The following ZC3H12B variants were observed in gnomAD, a reference collection of about 807,000 sequenced individuals.
ZC3H12B encodes zinc finger CCCH-type containing 12B, also known as probable ribonuclease ZC3H12B.
In ZC3H12B, 7 loss-of-function variants were observed where a neutral mutation model predicts 43.9. That is an observed-to-expected ratio of 0.16 (90% confidence interval 0.09 to 0.30). The LOEUF (loss-of-function observed/expected upper bound fraction) is 0.30. ZC3H12B is among the 10% of genes least tolerant of loss of function. The pLI, the probability that ZC3H12B is intolerant of heterozygous loss-of-function variation, is 1.00. For missense variants in ZC3H12B, 475 were observed against 670.2 expected (o/e 0.71, Z 3.22); for synonymous variants, 222 against 241.7 (o/e 0.92, Z 0.76).
At chrX:65,368,282 T>C (rs1296795654) in intron 1 of ZC3H12B, among the ~76,000 whole-genome samples, 4 of 111,502 alleles carry the variant, frequency 3.6e-5, no homozygotes, top group Non-Finnish European at 7.5e-5. Context: ...ATGTGATGTA[T>C]TTCAAGTAGT....
At chrX:65,296,804 A>T in the ZC3H12B span, among the ~76,000 whole-genome samples, 14 of 111,485 alleles carry the variant, frequency 1.3e-4, no homozygotes, top group Non-Finnish European at 2.3e-4. Context: ...AAGATAATCC[A>T]CCATGATCAA....
chrX:65,451,252 AT>A (rs1179623385), intron 3 of ZC3H12B, among the ~76,000 whole-genome samples: 5 of 110,032 alleles, frequency 4.5e-5, no homozygotes, highest in South Asian at 3.8e-4. Flanking sequence ...GCCCAGCCTC[AT>A]TTTTTTGTTT....
the ZC3H12B span, among the ~76,000 whole-genome samples, chrX:65,218,412 T>C: frequency 2.9e-4 from 33 of 112,190 alleles, no homozygotes; most frequent in South Asian, 1.1e-3. Context: ...GCTTGTAGCC[T>C]GGTGAAAGTT....
chrX:65,462,371 G>T (rs1250952586), intron 3 of ZC3H12B, among the ~76,000 whole-genome samples: 1 of 110,767 alleles, frequency 9.0e-6, no homozygotes, highest in Non-Finnish European at 1.9e-5. Context: ...ACTTAGCCGG[G>T]CGTAGCGACA....
chrX:65,284,760 T>G, the ZC3H12B span, among the ~76,000 whole-genome samples: 1 of 104,449 alleles, frequency 9.6e-6, no homozygotes, highest in Non-Finnish European at 2.0e-5. Context: ...AAACTCCATC[T>G]CAAAAAAAAA....
At chrX:65,252,821 G>A in the ZC3H12B span, among the ~76,000 whole-genome samples, 2 of 111,978 alleles carry the variant, frequency 1.8e-5, no homozygotes, top group Admixed American at 1.9e-4. Context: ...AGTACTGTGA[G>A]TATATGATCA....
the ZC3H12B span, among the ~76,000 whole-genome samples, chrX:65,282,804 C>T: frequency 8.9e-6 from 1 of 111,850 alleles, no homozygotes; most frequent in African/African-American, 3.3e-5. Context: ...AGACCAATAT[C>T]AGGCTCTGAA....
chrX:65,048,950 A>G, the ZC3H12B span, among the ~76,000 whole-genome samples: 1 of 111,343 alleles, frequency 9.0e-6, no homozygotes, highest in Non-Finnish European at 1.9e-5. Flanking sequence ...CTTTTCATAT[A>G]CTTCTTAGCC....
the ZC3H12B span, chrX:65,185,410 A>C: frequency 8.9e-6 from 1 of 112,192 alleles, no homozygotes; most frequent in Non-Finnish European, 1.9e-5. Context: ...TTTTTGCTTT[A>C]GTAAGCAGGC....
chrX:65,452,611 T>C (rs1302802247), intron 3 of ZC3H12B, among the ~76,000 whole-genome samples: 1 of 110,795 alleles, frequency 9.0e-6, no homozygotes, highest in Non-Finnish European at 1.9e-5. Context: ...GAGGCCGAGG[T>C]GGGTGGATCA....
chrX:65,190,011 C>T, the ZC3H12B span, among the ~76,000 whole-genome samples: 1 of 111,237 alleles, frequency 9.0e-6, no homozygotes, highest in Non-Finnish European at 1.9e-5. Flanking sequence ...CAGCTTCCTA[C>T]ATATGGCTAT....
the ZC3H12B span, among the ~76,000 whole-genome samples, chrX:65,191,645 A>T: frequency 6.1e-5 from 1 of 16,313 alleles, no homozygotes; most frequent in Non-Finnish European, 9.2e-5. Flanking sequence ...CAGTGGTGAT[A>T]TCCCCTTTAT....
At chrX:65,035,582 C>T in the ZC3H12B span, among the ~76,000 whole-genome samples, 1 of 111,191 alleles carries the variant, frequency 9.0e-6, no homozygotes, top group Non-Finnish European at 1.9e-5. Context: ...CTCCCAGTGC[C>T]GTGCTCGCCC....
chrX:65,078,513 C>A, the ZC3H12B span, among the ~76,000 whole-genome samples: 2 of 111,827 alleles, frequency 1.8e-5, no homozygotes, highest in Non-Finnish European at 3.8e-5. Flanking sequence ...AGAATGAGGG[C>A]ATAATCAATT....
the ZC3H12B span, among the ~76,000 whole-genome samples, chrX:65,187,877 C>A: frequency 9.0e-6 from 1 of 110,511 alleles, no homozygotes; most frequent in Non-Finnish European, 1.9e-5. Flanking sequence ...CCTTGTTGTG[C>A]TATCCAATAC....
At chrX:65,504,402 AGCAACTCT>A (rs1239248653) in exon 5 of ZC3H12B, 1 of 112,542 alleles carries the variant, frequency 8.9e-6, no homozygotes, top group Admixed American at 9.4e-5. Context: ...ACCAGAGCAA[AGCAACTCT>A]GTTTCCTTTG....
chrX:65,362,919 A>C (rs186454780), upstream of ZC3H12B, among the ~76,000 whole-genome samples: 67 of 110,566 alleles, frequency 6.1e-4, no homozygotes, highest in African/African-American at 2.0e-3. Context: ...TCCTCAATAC[A>C]TCCCTTCACA....
At chrX:65,254,401 A>G in the ZC3H12B span, among the ~76,000 whole-genome samples, 1 of 112,511 alleles carries the variant, frequency 8.9e-6, no homozygotes, top group African/African-American at 3.2e-5. Context: ...CGAGGCCAAC[A>G]CTAGCCTTGC....
the ZC3H12B span, among the ~76,000 whole-genome samples, chrX:65,137,244 A>T: frequency 2.7e-5 from 3 of 112,263 alleles, no homozygotes; most frequent in Non-Finnish European, 5.6e-5. Context: ...GAAAGACACA[A>T]ATAATTTATT....
Sources: gnomAD v4.1 joint callset for allele counts (sites outside exome capture counted in the v4.1 genomes callset) on GRCh38, gnomAD v4.1.1 for gene constraint, MANE v1.5 for transcripts, NCBI Gene and HGNC (gene_info 2026-07-23, HGNC 2026-07-21) for gene names.